Variants in BRD3 observed in about 807,000 individuals in gnomAD.
The protein encoded by BRD3 is bromodomain containing 3.
A neutral mutation model predicts 66.8 loss-of-function variants in BRD3; 17 were observed. The ratio of observed to expected loss-of-function variants is 0.25; its 90% CI spans 0.17 to 0.38. The LOEUF (loss-of-function observed/expected upper bound fraction) is 0.38, where lower values mean the gene tolerates loss of function less well. Among genes scored for constraint, BRD3 ranks in the 10% least tolerant of loss-of-function variants. The pLI is 1.00. For missense variants in BRD3, 713 were observed against 956.1 expected, an observed-to-expected ratio of 0.75 and a Z score of 3.35; for synonymous variants, 421 against 393.2, an observed-to-expected ratio of 1.07 and a Z score of -0.84.
In BRD3 at chr9:134,034,709, G is replaced by T; in HGVS notation, c.2057C>A (p.Ala686Asp). The change falls in exon 11 of 12, where the codon GCC becomes GAC. Residue 686 changes from alanine to aspartate, a missense_variant. Physicochemically the swap from Ala to Asp is moderately radical, Grantham distance 126. Around this residue, in one of 5 missense-constraint regions of BRD3, gnomAD observed 42 missense variants for 29.2 expected, o/e 1.44. Coordinates refer to ENST00000303407, the MANE Select transcript of BRD3 (RefSeq NM_007371.4). ...SGQLSSSKKP[A>D]RKEKPGSAPS... ...GCGGCCGCCAGCGGTACCTTTCCGG[G>T]CGGGCTTCTTGCTGCTGCTCAGCTG... 6.2e-7 allele frequency: 1 copy of T among 1,604,978 alleles called. No homozygotes were observed. The highest frequency in any genetic ancestry group is 8.5e-7 in the Non-Finnish European group (1 of 1,179,920).
intron 1 of BRD3, among the ~76,000 whole-genome samples, chr9:134,065,350 G>T (rs1830628083): frequency 6.6e-6 from 1 of 152,162 alleles, no homozygotes; most frequent in Admixed American, 6.5e-5. Flanking sequence ...CTAGAACCCG[G>T]GAGGTAGAGG....
Position 134,036,316 on chromosome 9 carries a change from T to C in BRD3, c.1652A>G (p.Lys551Arg). Residue 551 changes from lysine to arginine, a missense_variant, in exon 10 of 12, where the codon AAG becomes AGG. Physicochemically the swap from Lys to Arg is conservative, Grantham distance 26. This residue lies in a region of BRD3 where 418 missense variants were observed against 609.3 expected (regional missense o/e 0.69). Transcript: ENST00000303407. ...NSTTTAGRQL[K>R]KGGKQASASY... ...GGCAGATGCCTGCTTGCCGCCTTTCTTCAGCTGTCTGGGGCAGGAGACAGA... is the reference window on the plus strand; with the variant it reads ...GGCAGATGCCTGCTTGCCGCCTTTCCTCAGCTGTCTGGGGCAGGAGACAGA... The C allele has an allele frequency of 1.2e-6, 2 of 1,602,668 alleles. No homozygotes were observed. The highest frequency in any genetic ancestry group is 1.7e-6 in the Non-Finnish European group (2 of 1,173,872).
At chr9:134,036,514 GC>G in intron 9 of BRD3, 190 bp from the exon 10 acceptor site, 1 of 1,600,734 alleles carries the variant, frequency 6.2e-7, no homozygotes, top group Non-Finnish European at 8.5e-7. Flanking sequence ...CCAGCCCTTG[GC>G]CAGGAAACAA....
intron 9 of BRD3, among the ~76,000 whole-genome samples, chr9:134,036,989 C>T (rs531639598): frequency 1.9e-4 from 29 of 151,546 alleles, no homozygotes; most frequent in African/African-American, 5.8e-4. Context: ...CCAGCCTGGG[C>T]GACAGATCGA....
intron 1 of BRD3, among the ~76,000 whole-genome samples, chr9:134,059,466 AC>A (rs1484615487): frequency 6.6e-6 from 1 of 152,078 alleles, no homozygotes; most frequent in Non-Finnish European, 1.5e-5. Flanking sequence ...GGTGCCAGAG[AC>A]CCCAGTGCCT....
intron 9 of BRD3, among the ~76,000 whole-genome samples, chr9:134,039,437 T>G (rs7044575): frequency 0.15 from 22,759 of 152,174 alleles, 2,669 homozygotes; most frequent in African/African-American, 0.33. Flanking sequence ...TGTTCCCTGT[T>G]CTTGGAACTC....
intron 5 of BRD3, 148 bp downstream of exon 5, chr9:134,050,226 G>A (rs778532446): frequency 4.8e-5 from 34 of 708,870 alleles, no homozygotes; most frequent in African/African-American, 8.9e-5. Flanking sequence ...CAGTAACAAC[G>A]GCCTGAGCTC....
chr9:134,061,612 C>G (rs1830545578), intron 1 of BRD3, among the ~76,000 whole-genome samples: 1 of 152,208 alleles, frequency 6.6e-6, no homozygotes, highest in Non-Finnish European at 1.5e-5. Flanking sequence ...TACCTGTGTC[C>G]CTGACTGGAT....
At chr9:134,047,951 CTGGAG>C in intron 6 of BRD3, 127 bp downstream of exon 6, 1 of 1,301,948 alleles carries the variant, frequency 7.7e-7, no homozygotes, top group Non-Finnish European at 1.0e-6. Flanking sequence ...GGGGGCCAGC[CTGGAG>C]GGTGCGCTTC....
intron 5 of BRD3, among the ~76,000 whole-genome samples, chr9:134,048,685 C>T (rs749080511): frequency 6.6e-6 from 1 of 152,152 alleles, no homozygotes; most frequent in East Asian, 1.9e-4. Context: ...CTCTGAAACC[C>T]GCCCTCACCT....
intron 8 of BRD3, among the ~76,000 whole-genome samples, chr9:134,041,130 T>C (rs994361295): frequency 5.3e-5 from 8 of 152,190 alleles, no homozygotes; most frequent in African/African-American, 1.9e-4. Context: ...ATTCATGCTG[T>C]TCCCCTCCTG....
At position 134,041,858 on chromosome 9, in the gene BRD3, C is replaced by T. The variant is rs377319159; in HGVS notation, c.1309G>A (p.Ala437Thr). Reference sequence around the variant, plus strand: ...TCCTCACTGCTACGGCTGCTCTCAGCGCCCTTGCTCACCATGGGGGCCGCG... The same window carrying T: ...TCCTCACTGCTACGGCTGCTCTCAGTGCCCTTGCTCACCATGGGGGCCGCG... ...APAAPMVSKG[A>T]ESSRSSEESS... The change falls in exon 8 of 12, where the codon GCT becomes ACT. Residue 437 changes from alanine (A) to threonine (T), a missense_variant. Ala to Thr is a moderately conservative substitution (Grantham distance 58, BLOSUM62 0). This residue lies in a region of BRD3 where 418 missense variants were observed against 609.3 expected (regional missense o/e 0.69). Transcript: ENST00000303407. 9.9e-6 allele frequency: 16 copies of T among 1,612,530 alleles called. No homozygotes were observed. Among genetic ancestry groups the T allele is most frequent in the East Asian group, 4.5e-5 (2 of 44,870 alleles).
At chr9:134,038,245 C>A (rs1165232165) in intron 9 of BRD3, among the ~76,000 whole-genome samples, 4 of 151,094 alleles carry the variant, frequency 2.6e-5, no homozygotes, top group Admixed American at 2.6e-4. Context: ...ACCTCTACCT[C>A]CCGGGTTCAA....
intron 10 of BRD3, 108 bp from the exon 11 acceptor site, chr9:134,034,937 C>T: frequency 6.7e-7 from 1 of 1,495,390 alleles, no homozygotes; most frequent in South Asian, 1.2e-5. Flanking sequence ...GGCATCCATG[C>T]CAGCTGCCCA....
Position 134,031,049 on chromosome 9 carries a change from ACT to A in BRD3, c.*2539_*2540del, listed in dbSNP as rs1357041140. ...CTGAGGAAGTCATTAATCCTTCGAA[ACT>A]CTGAAAAGAAACCAGTGTTGAAGTC... On this transcript the variant is annotated 3_prime_UTR_variant, in exon 12 of 12. Coordinates refer to ENST00000303407, the MANE Select transcript of BRD3 (RefSeq NM_007371.4). 8.7e-6 allele frequency: 2 copies of A among 230,634 alleles called. No homozygotes were observed. Among genetic ancestry groups the A allele is most frequent in the African/African-American group, 2.2e-5 (1 of 45,174 alleles). 14.3% of individuals were successfully genotyped at this position (230,634 alleles called of 1,614,324 possible).
At chr9:134,038,115 A>G (rs541811756) in intron 9 of BRD3, among the ~76,000 whole-genome samples, 1 of 152,286 alleles carries the variant, frequency 6.6e-6, no homozygotes, top group Non-Finnish European at 1.5e-5. Context: ...CTATACATTT[A>G]CTCCAGAAAA....
chr9:134,050,307 C>A, intron 5 of BRD3, 67 bp downstream of exon 5: 1 of 1,507,004 alleles, frequency 6.6e-7, no homozygotes, highest in Non-Finnish European at 9.1e-7. Flanking sequence ...GCCTGCTGCT[C>A]CTGCCCTGAC....
chr9:134,053,452 G>A lies in BRD3; in HGVS notation c.26C>T (p.Pro9Leu). ...GCCCGGGGTCGCCGGGATCCCCGCG[G>A]GGGCGACTGTCGTGGCGGTGGACAT... MSTATTVA[P>L]AGIPATPGPV... The change falls in exon 2 of 12, where the codon CCC becomes CTC. Residue 9 changes from proline (P) to leucine (L), a missense_variant. By Grantham distance (98) the Pro-to-Leu change is moderately conservative. Transcript: ENST00000303407. The A allele has an allele frequency of 6.2e-7, 1 of 1,606,556 alleles. No individual in the cohort carries two copies. The highest frequency in any genetic ancestry group is 8.5e-7 in the Non-Finnish European group (1 of 1,178,142).
At position 134,040,124 on chromosome 9, in the gene BRD3, T is replaced by C. The variant is rs781284943; in HGVS notation, c.1553A>G (p.Glu518Gly). Reference sequence around the variant, plus strand: ...AGGCGGAGCCACCTTGGCCTTCTTCTCTTCCTCGGCCTTCACTTTGTGCTT... The same window carrying C: ...AGGCGGAGCCACCTTGGCCTTCTTCCCTTCCTCGGCCTTCACTTTGTGCTT... ...KEKHKVKAEE[E>G]KKAKVAPPAK... Residue 518 changes from glutamate (E) to glycine (G), a missense_variant, in exon 9 of 12, where the codon GAG (glutamate) becomes GGG (glycine). Glu to Gly is a moderately conservative substitution (Grantham distance 98). This residue lies in a region of BRD3 where 418 missense variants were observed against 609.3 expected (regional missense o/e 0.69). Transcript: ENST00000303407. 6.4e-7 allele frequency: 1 copy of C among 1,570,876 alleles called. No homozygotes were observed.
Sources: gnomAD v4.1 joint callset for allele counts (sites outside exome capture counted in the v4.1 genomes callset) on GRCh38, gnomAD v4.1.1 for gene constraint, gnomAD v4.1.1 regional missense constraint, MANE v1.5 for transcripts, NCBI Gene and HGNC (gene_info 2026-07-23, HGNC 2026-07-21) for gene names.